The following KATNAL2 variants were observed in gnomAD, a reference collection of about 807,000 sequenced individuals.
KATNAL2 encodes katanin p60 ATPase-containing subunit A-like 2.
Under a neutral mutation model 76.3 loss-of-function variants are expected in KATNAL2, and 52 were observed. That is an observed-to-expected ratio of 0.68 (90% CI 0.55 to 0.86). KATNAL2 has a LOEUF of 0.86. Ranked by LOEUF, KATNAL2 falls within the 40% of genes least tolerant of loss-of-function variation. KATNAL2 has a pLI of 0.00. For synonymous variants in KATNAL2, 243 were observed against 244.2 expected, an observed-to-expected ratio of 1.00 and a Z score of 0.05; for missense variants, 660 against 668.9, an observed-to-expected ratio of 0.99 and a Z score of 0.15.
At chr18:46,954,028 G>A (rs2059647520) in intron 3 of KATNAL2, among the ~76,000 whole-genome samples, 1 of 152,016 alleles carries the variant, frequency 6.6e-6, no homozygotes, top group African/African-American at 2.4e-5. Context: ...GTGAAAGCAG[G>A]GAATGGAAGG....
intron 6 of KATNAL2, chr18:47,054,642 A>G (rs2061422568): frequency 1.6e-6 from 1 of 625,142 alleles, no homozygotes; most frequent in Non-Finnish European, 2.9e-6. Context: ...GTTTTACTGT[A>G]AATAAGTATA....
chr18:47,093,992 ATG>A (rs1255230901), intron 15 of KATNAL2, among the ~76,000 whole-genome samples: 2 of 152,204 alleles, frequency 1.3e-5, no homozygotes, highest in African/African-American at 4.8e-5. Context: ...CTCAAAATTC[ATG>A]TGTTAGAAAC....
At chr18:47,071,973 T>C (rs2062024862) in intron 13 of KATNAL2, among the ~76,000 whole-genome samples, 1 of 119,122 alleles carries the variant, frequency 8.4e-6, no homozygotes, top group Admixed American at 8.3e-5. Flanking sequence ...TTTTTTTTTT[T>C]TTTTTTTTTT....
At chr18:47,066,888 T>TATATATATATATATATATAC (rs11281082) in intron 10 of KATNAL2, 133 bp from the exon 11 acceptor site, 1 of 75,816 alleles carries the variant, frequency 1.3e-5, no homozygotes, top group African/African-American at 4.4e-5. Context: ...TATATATATA[T>TATATATATATATATATATAC]ATATAATATG....
chr18:47,101,358 G>A lies in KATNAL2; in HGVS notation c.*353G>A, dbSNP rs1440739469. Reference sequence around the variant, plus strand: ...AGATGTACTTAGAAAAGTTGTGTTGGCCACACACAGGATGACCCTGAGTTG... The same window carrying A: ...AGATGTACTTAGAAAAGTTGTGTTGACCACACACAGGATGACCCTGAGTTG... On this transcript the variant is annotated 3_prime_UTR_variant, in exon 18 of 18. Coordinates refer to ENST00000683218, the MANE Select transcript of KATNAL2 (RefSeq NM_001387690.1). The A allele has an allele frequency of 4.4e-6, 1 of 229,842 alleles. No homozygotes were observed. The allele number at this position is 229,842 out of a possible 1,614,324, so 14.2% of individuals were successfully genotyped here.
chr18:46,957,680 A>G (rs1376608407), intron 3 of KATNAL2, among the ~76,000 whole-genome samples: 2 of 149,150 alleles, frequency 1.3e-5, no homozygotes, highest in Non-Finnish European at 3.0e-5. Flanking sequence ...CTCTTGCCTC[A>G]GCCTCCCAAG....
Position 46,946,293 on chromosome 18 carries a change from T to C in KATNAL2, c.-273T>C, listed in dbSNP as rs1275895458. ...GAGAACAGGTCTGATGTGAAAGGAA[T>C]TGGAGGAGAAGGGGAAGTTTGGTGA... On this transcript the variant is annotated 5_prime_UTR_variant, in exon 2 of 18. Coordinates refer to ENST00000683218, the MANE Select transcript of KATNAL2 (RefSeq NM_001387690.1). 9.4e-7 allele frequency: 1 copy of C among 1,064,576 alleles called. No individual in the cohort carries two copies. Among genetic ancestry groups the C allele is most frequent in the Admixed American group, 5.0e-5 (1 of 20,178 alleles). 65.9% of individuals were successfully genotyped at this position (1,064,576 alleles called of 1,614,324 possible).
At chr18:46,926,381 G>A (rs995134833) in intron 1 of KATNAL2, among the ~76,000 whole-genome samples, 2 of 152,144 alleles carry the variant, frequency 1.3e-5, no homozygotes, top group African/African-American at 2.4e-5. Context: ...CAGTTTCCTT[G>A]TAGTTGAGTG....
intron 7 of KATNAL2, among the ~76,000 whole-genome samples, chr18:47,059,256 A>T (rs2061559743): frequency 6.6e-6 from 1 of 152,182 alleles, no homozygotes; most frequent in African/African-American, 2.4e-5. Context: ...AGGAGAAAAG[A>T]CGAGCCAGCG....
chr18:47,046,055 C>A (rs1323278513), intron 3 of KATNAL2, among the ~76,000 whole-genome samples: 2 of 152,214 alleles, frequency 1.3e-5, no homozygotes, highest in Non-Finnish European at 2.9e-5. Context: ...GATATGGTAG[C>A]AGGTAAGTGC....
chr18:46,951,206 A>G (rs2059543929), intron 3 of KATNAL2, among the ~76,000 whole-genome samples: 2 of 152,158 alleles, frequency 1.3e-5, no homozygotes, highest in African/African-American at 4.8e-5. Context: ...TATAAATACT[A>G]TTTAGAGCTG....
At chr18:46,935,887 G>A (rs1393221295) in intron 1 of KATNAL2, among the ~76,000 whole-genome samples, 1 of 152,090 alleles carries the variant, frequency 6.6e-6, no homozygotes, top group Non-Finnish European at 1.5e-5. Flanking sequence ...CTGCCCTCCA[G>A]CCTGGGCAAC....
At chr18:47,074,369 ACCCTTT>A (rs2062115634) in intron 13 of KATNAL2, among the ~76,000 whole-genome samples, 1 of 152,102 alleles carries the variant, frequency 6.6e-6, no homozygotes, top group Non-Finnish European at 1.5e-5. Flanking sequence ...CTTTTTCAGA[ACCCTTT>A]CCCTCTAATT....
At chr18:46,938,069 G>A (rs1286066938) in intron 1 of KATNAL2, among the ~76,000 whole-genome samples, 1 of 151,870 alleles carries the variant, frequency 6.6e-6, no homozygotes, top group East Asian at 1.9e-4. Context: ...GCACTCCTGG[G>A]TGACAAAGCA....
At chr18:47,045,264 C>T (rs1294469898) in intron 3 of KATNAL2, among the ~76,000 whole-genome samples, 2 of 151,622 alleles carry the variant, frequency 1.3e-5, no homozygotes, top group African/African-American at 4.8e-5. Flanking sequence ...TTAGAAAACT[C>T]TGCATGAATG....
At chr18:47,062,538 C>T (rs935098084) in intron 8 of KATNAL2, among the ~76,000 whole-genome samples, 1 of 152,132 alleles carries the variant, frequency 6.6e-6, no homozygotes, top group Non-Finnish European at 1.5e-5. Flanking sequence ...TCACAAAGAA[C>T]CTTTCACACT....
chr18:47,074,039 C>T (rs1018486497), intron 13 of KATNAL2, among the ~76,000 whole-genome samples: 5 of 152,132 alleles, frequency 3.3e-5, no homozygotes, highest in African/African-American at 7.2e-5. Context: ...TTGCCACTGT[C>T]GTAATCACCC....
chr18:46,940,386 G>A (rs749901150), intron 1 of KATNAL2, among the ~76,000 whole-genome samples: 2 of 152,178 alleles, frequency 1.3e-5, no homozygotes, highest in Admixed American at 1.3e-4. Flanking sequence ...ACAATCTTTG[G>A]CAGAGAGGAT....
rs745475816 is a variant in KATNAL2 at position 47,033,449 on chromosome 18, C to T, written c.52-13008C>T. ...GCGTCCGGAAGCCGCAGGTACTGCT[C>T]CCTCCAAGTTTTGTTTTCCTGTGGC... On this transcript the variant is annotated intron_variant, in intron 3 of 17. Transcript: ENST00000683218. The T allele has an allele frequency of 5.0e-5, 80 of 1,613,806 alleles. No homozygotes were observed. In the South Asian group the frequency reaches 7.9e-4, roughly 16 times the overall value.
Sources: allele counts gnomAD v4.1 joint callset (sites outside exome capture counted in the v4.1 genomes callset), GRCh38; gene constraint gnomAD v4.1.1; transcripts MANE v1.5; gene names NCBI Gene and HGNC (gene_info 2026-07-23, HGNC 2026-07-21).